The following MRTFB variants were observed in gnomAD, a reference collection of about 807,000 sequenced individuals.
The protein encoded by MRTFB is myocardin related transcription factor B, also known as myocardin-related transcription factor B.
Under a neutral mutation model 104.2 loss-of-function variants are expected in MRTFB, and 29 were observed. The observed-to-expected ratio is 0.28, with a 90% CI of 0.21 to 0.38. MRTFB has a LOEUF of 0.38. Ranked by LOEUF, MRTFB falls within the 10% of genes least tolerant of loss-of-function variation. The pLI is 1.00. For missense variants in MRTFB, 1,270 were observed against 1,341.6 expected, an observed-to-expected ratio of 0.95 and a Z score of 0.83; for synonymous variants, 535 against 519.5, an observed-to-expected ratio of 1.03 and a Z score of -0.41.
intron 2 of MRTFB, among the ~76,000 whole-genome samples, chr16:14,138,015 C>G (rs942595726): frequency 6.6e-6 from 1 of 151,944 alleles, no homozygotes; most frequent in Non-Finnish European, 1.5e-5. Flanking sequence ...GATGTTTTAG[C>G]TGAAACTATT....
Position 14,219,015 on chromosome 16 carries a change from T to C in MRTFB, c.693+17T>C. 6.3e-6 allele frequency: 10 copies of C among 1,579,268 alleles called. No homozygotes were observed. Among genetic ancestry groups the C allele is most frequent in the Non-Finnish European group, 8.6e-6 (10 of 1,160,850 alleles). Reference sequence around the variant, plus strand: ...CCAGCGCAGGTATTATCTTTCTGGTTTTGACCCCTAAAGAAAGAAAATGCC... The same window carrying C: ...CCAGCGCAGGTATTATCTTTCTGGTCTTGACCCCTAAAGAAAGAAAATGCC... On this transcript the variant is annotated intron_variant, in intron 8 of 16. Coordinates refer to ENST00000571589, the MANE Select transcript of MRTFB (RefSeq NM_001308142.2).
intron 16 of MRTFB, among the ~76,000 whole-genome samples, chr16:14,259,502 T>C (rs755533784): frequency 3.9e-5 from 6 of 152,062 alleles, no homozygotes; most frequent in Non-Finnish European, 7.3e-5. Flanking sequence ...TTGCCCTGCC[T>C]GTAATCCCAG....
the MRTFB span, among the ~76,000 whole-genome samples, chr16:14,020,093 C>T: frequency 1.5e-3 from 225 of 152,246 alleles, no homozygotes; most frequent in Non-Finnish European, 2.7e-3. Flanking sequence ...CTATGCAATC[C>T]TCATTCTGGC....
chr16:14,167,956 A>C (rs567534046), intron 3 of MRTFB, among the ~76,000 whole-genome samples: 1 of 151,760 alleles, frequency 6.6e-6, no homozygotes, highest in Non-Finnish European at 1.5e-5. Flanking sequence ...CGGAGTGCTG[A>C]GATTACAGGC....
intron 2 of MRTFB, among the ~76,000 whole-genome samples, chr16:14,128,779 A>G (rs1272684254): frequency 2.0e-5 from 3 of 152,198 alleles, no homozygotes; most frequent in African/African-American, 2.4e-5. Context: ...CCATATCGCA[A>G]TAATCTTGTA....
intron 3 of MRTFB, among the ~76,000 whole-genome samples, chr16:14,168,422 GCTA>G (rs1174596353): frequency 6.6e-6 from 1 of 152,146 alleles, no homozygotes; most frequent in Non-Finnish European, 1.5e-5. Context: ...CTCTGAGACA[GCTA>G]CTGTTGTGGT....
intron 3 of MRTFB, among the ~76,000 whole-genome samples, chr16:14,195,308 G>A (rs1195218713): frequency 1.3e-5 from 2 of 152,132 alleles, no homozygotes; most frequent in African/African-American, 4.8e-5. Context: ...GCTGTGCATG[G>A]CTGCTTGGTC....
At chr16:14,149,448 T>C (rs2038503359) in intron 3 of MRTFB, 1 of 152,200 alleles carries the variant, frequency 6.6e-6, no homozygotes, top group South Asian at 2.1e-4. Context: ...AGCTACAAAA[T>C]AGAAGACCCT....
intron 3 of MRTFB, among the ~76,000 whole-genome samples, chr16:14,169,411 T>C (rs1379769905): frequency 6.6e-6 from 1 of 151,926 alleles, no homozygotes; most frequent in African/African-American, 2.4e-5. Flanking sequence ...TCATAAAACA[T>C]AATAGCATGA....
In MRTFB at chr16:14,252,428, G is replaced by T. The variant is rs150543121; in HGVS notation, c.2629G>T (p.Ala877Ser). The change falls in exon 15 of 17, where the codon GCC becomes TCC. Residue 877 changes from alanine to serine, a missense_variant. Ala to Ser is a moderately conservative substitution (Grantham distance 99). This residue lies in a region of MRTFB where 1,144 missense variants were observed against 1,131.5 expected (regional missense o/e 1.01). Coordinates refer to ENST00000571589, the MANE Select transcript of MRTFB (RefSeq NM_001308142.2). ...VQHSLFGSPV[A>S]KTKDPPRYEE... ...GCACTCTCTATTTGGGAGTCCAGTC[G>T]CCAAGACAAAAGATCCCCCCCGCTA... is the stretch of plus-strand genomic sequence containing the variant. The T allele has an allele frequency of 6.2e-7, 1 of 1,613,460 alleles. No individual in the cohort carries two copies. Among genetic ancestry groups the T allele is most frequent in the South Asian group, 1.1e-5 (1 of 91,034 alleles).
intron 2 of MRTFB, 84 bp from the exon 3 acceptor site, chr16:14,140,460 A>T: frequency 1.0e-6 from 1 of 970,730 alleles, no homozygotes; most frequent in Non-Finnish European, 1.5e-6. Context: ...CTGGACTAGA[A>T]CCCAGGATTC....
intron 10 of MRTFB, chr16:14,240,877 G>A (rs2042737779): frequency 4.8e-6 from 3 of 623,536 alleles, no homozygotes; most frequent in South Asian, 3.9e-5. Flanking sequence ...AAAGCCTGGT[G>A]GAAAAGACAG....
At chr16:14,105,638 A>T (rs570424430) in intron 2 of MRTFB, among the ~76,000 whole-genome samples, 2 of 152,218 alleles carry the variant, frequency 1.3e-5, no homozygotes, top group South Asian at 4.1e-4. Context: ...GCCTTAAGTG[A>T]TCCTCTCACC....
chr16:14,192,006 T>G (rs995508958), intron 3 of MRTFB: 3 of 152,214 alleles, frequency 2.0e-5, no homozygotes, highest in Non-Finnish European at 4.4e-5. Context: ...TCTTTTGGAA[T>G]GTCTTCTTTG....
the MRTFB span, among the ~76,000 whole-genome samples, chr16:14,054,417 A>G: frequency 6.6e-6 from 1 of 152,086 alleles, no homozygotes; most frequent in African/African-American, 2.4e-5. Flanking sequence ...GAGTTTTACC[A>G]TATTGGCCAG....
At chr16:14,104,940 C>T (rs922748480) in intron 2 of MRTFB, among the ~76,000 whole-genome samples, 28 of 152,274 alleles carry the variant, frequency 1.8e-4, no homozygotes, top group Non-Finnish European at 3.4e-4. Context: ...ATTTCTGCTT[C>T]GTTATCCTTG....
At chr16:14,094,793 G>A (rs912254966) in intron 2 of MRTFB, among the ~76,000 whole-genome samples, 41 of 152,140 alleles carry the variant, frequency 2.7e-4, no homozygotes, top group African/African-American at 8.7e-4. Context: ...CTGGCGCTCC[G>A]CTGCACTCCA....
chr16:14,001,884 T>C, the MRTFB span, among the ~76,000 whole-genome samples: 2 of 152,272 alleles, frequency 1.3e-5, no homozygotes, highest in East Asian at 1.9e-4. Context: ...TTCAGGCCTC[T>C]GCCATGAGGC....
the MRTFB span, among the ~76,000 whole-genome samples, chr16:14,041,783 A>G: frequency 6.6e-6 from 1 of 151,996 alleles, no homozygotes; most frequent in African/African-American, 2.4e-5. Context: ...AAAATTAGCC[A>G]GGCGTGGTGG....
Sources: allele counts gnomAD v4.1 joint callset (sites outside exome capture counted in the v4.1 genomes callset), GRCh38; gene constraint gnomAD v4.1.1; regional missense constraint gnomAD v4.1.1; transcripts MANE v1.5; gene names NCBI Gene and HGNC (gene_info 2026-07-23, HGNC 2026-07-21).